COL6A6: variants seen among roughly 807,000 people sequenced by gnomAD.
The protein encoded by COL6A6 is collagen alpha-6(VI) chain.
COL6A6 carries 183 observed loss-of-function variants against 208.6 expected under a neutral mutation model. That is an observed-to-expected ratio of 0.88 (90% CI 0.78 to 0.99). COL6A6 has a LOEUF of 0.99. COL6A6 is among the 50% of genes least tolerant of loss of function. The probability of loss-of-function intolerance (pLI) is 0.00; values close to 1 mark genes in which losing one functional copy is unlikely to be tolerated. For synonymous variants in COL6A6, 973 were observed against 1,011.8 expected (o/e 0.96, Z 0.73); for missense variants, 2,816 against 2,815.2 (o/e 1.00, Z -0.01).
At chr3:130,555,412 C>A (rs1158469623) in intron 1 of COL6A6, among the ~76,000 whole-genome samples, 1 of 152,200 alleles carries the variant, frequency 6.6e-6, no homozygotes, top group South Asian at 2.1e-4. Flanking sequence ...TTCTCAATGC[C>A]TTTGCTCTGA....
intron 5 of COL6A6, among the ~76,000 whole-genome samples, 178 bp from the exon 6 acceptor site, chr3:130,567,869 G>C (rs1368800742): frequency 6.6e-6 from 1 of 152,186 alleles, no homozygotes; most frequent in Admixed American, 6.5e-5. Flanking sequence ...ATTTAAGCAA[G>C]TTACTAAATA....
intron 10 of COL6A6, among the ~76,000 whole-genome samples, chr3:130,586,042 C>T (rs943643805): frequency 6.6e-6 from 1 of 152,344 alleles, no homozygotes; most frequent in African/African-American, 2.4e-5. Flanking sequence ...GCAGGCTCAA[C>T]CTCCCAGGCT....
intron 1 of COL6A6, among the ~76,000 whole-genome samples, chr3:130,532,100 C>G (rs1174091138): frequency 6.6e-6 from 1 of 152,126 alleles, no homozygotes; most frequent in African/African-American, 2.4e-5. Context: ...AGGATCTTTT[C>G]TGTGTCCTTC....
At chr3:130,546,258 G>A (rs1305730401) in intron 1 of COL6A6, among the ~76,000 whole-genome samples, 2 of 152,124 alleles carry the variant, frequency 1.3e-5, no homozygotes, top group East Asian at 1.9e-4. Flanking sequence ...TTGTGGTCTC[G>A]CTGGCTTCAG....
Position 130,593,070 on chromosome 3 carries a change from G to A in COL6A6, c.4381G>A (p.Gly1461Arg). 1.9e-6 allele frequency: 3 copies of A among 1,613,454 alleles called. No individual in the cohort carries two copies. Among genetic ancestry groups the A allele is most frequent in the Middle Eastern group, 1.6e-4 (1 of 6,062 alleles). ...ATATCTATCTTTTCAGGGAGAAGTT[G>A]GGGAAAATGGAATTGACGGATTAAA... is the stretch of plus-strand genomic sequence containing the variant. ...RGLNGQEGEV[G>R]ENGIDGLNGE... The change falls in exon 16 of 37, where the codon GGG (glycine) becomes AGG (arginine). Residue 1461 changes from glycine to arginine, a missense_variant. Gly to Arg is a moderately radical substitution (Grantham distance 125). Transcript: ENST00000358511.
intron 28 of COL6A6, among the ~76,000 whole-genome samples, chr3:130,639,380 T>C (rs988821997): frequency 2.6e-5 from 4 of 152,206 alleles, no homozygotes; most frequent in Non-Finnish European, 5.9e-5. Context: ...TTTCTTCATA[T>C]TTAAGAATTG....
At chr3:130,566,564 A>C (rs2063027311) in intron 4 of COL6A6, 138 bp from the exon 5 acceptor site, 1 of 663,968 alleles carries the variant, frequency 1.5e-6, no homozygotes, top group Non-Finnish European at 2.5e-6. Flanking sequence ...TAAGCTAACA[A>C]AGCATGTATT....
chr3:130,601,104 G>C (rs1002151424), intron 20 of COL6A6, among the ~76,000 whole-genome samples: 1 of 152,068 alleles, frequency 6.6e-6, no homozygotes, highest in African/African-American at 2.4e-5. Context: ...AATATACTTA[G>C]ATGCCTACAT....
In COL6A6 at chr3:130,639,897, T is replaced by C. The variant is rs78533909; in HGVS notation, c.5092-1755T>C. 6.3e-3 allele frequency among the ~76,000 whole-genome samples: 960 copies of C among 152,272 alleles called. 9 individuals are homozygous for C. Among genetic ancestry groups the C allele is most frequent in the East Asian group, 0.045 (234 of 5,172 alleles). ...GTTTCCTACCTGGAGAGTAAAGGTC[T>C]GGCTGCCAGCTTTCTAGGAGCCATA... On this transcript the variant is annotated intron_variant, in intron 28 of 36. Coordinates refer to ENST00000358511, the MANE Select transcript of COL6A6 (RefSeq NM_001102608.3).
At chr3:130,644,957 T>TAATAATC in intron 31 of COL6A6, 34 bp from the exon 32 acceptor site, 1 of 1,603,806 alleles carries the variant, frequency 6.2e-7, no homozygotes, top group Non-Finnish European at 8.5e-7. Context: ...TCCTACCAAA[T>TAATAATC]AATAATCCAA....
In COL6A6 at chr3:130,675,386, C is replaced by T. The variant is rs1185991808; in HGVS notation, c.6781C>T (p.Gln2261Ter). The change falls in exon 37 of 37, where the codon CAA (glutamine) becomes TAA (stop). Residue 2261 changes from glutamine (Q) to a stop codon, truncating the protein, a stop_gained. Coordinates refer to ENST00000358511, the MANE Select transcript of COL6A6 (RefSeq NM_001102608.3). LOFTEE classifies it high-confidence loss of function. The part of the protein sequence containing the change: ...NGRMIESAPK[Q>*]HD The stretch of plus-strand genomic sequence containing the variant: ...AAGGATGATAGAAAGTGCTCCCAAA[C>T]AACATGATTAAAAAAATGCTTGAAC... 1.0e-5 allele frequency: 16 copies of T among 1,575,716 alleles called. No individual in the cohort carries two copies. The highest frequency in any genetic ancestry group is 1.4e-5 in the African/African-American group (1 of 73,450).
intron 34 of COL6A6, among the ~76,000 whole-genome samples, chr3:130,659,522 A>G (rs1396999537): frequency 6.6e-6 from 1 of 152,232 alleles, no homozygotes; most frequent in Non-Finnish European, 1.5e-5. Context: ...TGTTCCAAGC[A>G]CTGTTTTAAT....
chr3:130,552,439 A>G (rs1171164716), intron 1 of COL6A6, among the ~76,000 whole-genome samples: 1 of 152,092 alleles, frequency 6.6e-6, no homozygotes, highest in Non-Finnish European at 1.5e-5. Flanking sequence ...TGTTTTGTCT[A>G]AAATTAGAAT....
intron 5 of COL6A6, 93 bp from the exon 6 acceptor site, chr3:130,567,954 A>G (rs539677040): frequency 2.4e-6 from 2 of 834,046 alleles, no homozygotes; most frequent in African/African-American, 1.7e-5. Flanking sequence ...ACACATGTCA[A>G]TATAAAATTA....
At chr3:130,559,762 G>T (rs1010437841) in intron 1 of COL6A6, among the ~76,000 whole-genome samples, 4 of 152,296 alleles carry the variant, frequency 2.6e-5, no homozygotes, top group Middle Eastern at 3.4e-3. Flanking sequence ...ACATAAAATG[G>T]TGTAAGCTGA....
chr3:130,649,694 G>GA, intron 33 of COL6A6, 132 bp downstream of exon 33: 1 of 917,802 alleles, frequency 1.1e-6, no homozygotes, highest in Non-Finnish European at 1.6e-6. Context: ...TGGCAGAGTA[G>GA]AATAAGTATT....
At chr3:130,642,109 G>C (rs968727254) in intron 29 of COL6A6, among the ~76,000 whole-genome samples, 3 of 152,072 alleles carry the variant, frequency 2.0e-5, no homozygotes, top group Non-Finnish European at 4.4e-5. Flanking sequence ...GGTCAGGGGG[G>C]GCTCTGTTGC....
Position 130,644,601 on chromosome 3 carries a change from G to GTA in COL6A6, c.5228-389_5228-388dup, listed in dbSNP as rs1357856984. 4.3e-4 allele frequency among the ~76,000 whole-genome samples: 65 copies of GTA among 152,136 alleles called. 1 individual carries two copies. Among genetic ancestry groups the GTA allele is most frequent in the African/African-American group, 1.4e-3 (60 of 41,496 alleles). On this transcript the variant is annotated intron_variant, in intron 31 of 36. Coordinates refer to ENST00000358511, the MANE Select transcript of COL6A6 (RefSeq NM_001102608.3). ...TATAGATACATTTGTGTGTATGTGT[G>GTA]TACATATATATAAATGATAGTTATA... is the stretch of plus-strand genomic sequence containing the variant.
intron 20 of COL6A6, among the ~76,000 whole-genome samples, chr3:130,601,659 C>T (rs1046215858): frequency 9.2e-5 from 14 of 152,248 alleles, no homozygotes; most frequent in African/African-American, 2.6e-4. Context: ...AAATATGACC[C>T]CCATCTTGGG....
Sources: allele counts gnomAD v4.1 joint callset (sites outside exome capture counted in the v4.1 genomes callset), GRCh38; gene constraint gnomAD v4.1.1; transcripts MANE v1.5; gene names NCBI Gene and HGNC (gene_info 2026-07-23, HGNC 2026-07-21).